The following BBS9 variants were observed in gnomAD, a reference collection of about 807,000 sequenced individuals.
BBS9 encodes the protein protein PTHB1.
A neutral mutation model predicts 117.7 loss-of-function variants in BBS9; 89 were observed. That is an observed-to-expected ratio of 0.76 (90% CI 0.64 to 0.90). The LOEUF is 0.90. Among genes scored for constraint, BBS9 ranks in the 40% least tolerant of loss-of-function variants. The pLI is 0.00. For synonymous variants in BBS9, 379 were observed against 370.9 expected, an observed-to-expected ratio of 1.02 and a Z score of -0.25; for missense variants, 982 against 1,042.2, an observed-to-expected ratio of 0.94 and a Z score of 0.80.
At chr7:33,591,168 G>A (rs1208421629) in intron 21 of BBS9, among the ~76,000 whole-genome samples, 1 of 151,904 alleles carries the variant, frequency 6.6e-6, no homozygotes, top group Admixed American at 6.6e-5. Context: ...TTTAAAGGCT[G>A]TATTTCCTCA....
At chr7:33,356,654 T>C (rs1158266421) in intron 15 of BBS9, among the ~76,000 whole-genome samples, 5 of 151,910 alleles carry the variant, frequency 3.3e-5, no homozygotes, top group Non-Finnish European at 5.9e-5. Context: ...TTGTTGATGA[T>C]TTCTCACTAT....
intron 19 of BBS9, among the ~76,000 whole-genome samples, chr7:33,456,468 A>G: frequency 6.6e-6 from 1 of 152,134 alleles, no homozygotes; most frequent in Non-Finnish European, 1.5e-5. Flanking sequence ...TGCCTGTACT[A>G]ATTTATATTA....
intron 5 of BBS9, among the ~76,000 whole-genome samples, chr7:33,190,804 C>G (rs935113247): frequency 6.6e-6 from 1 of 152,166 alleles, no homozygotes; most frequent in African/African-American, 2.4e-5. Flanking sequence ...TAACTTGAGC[C>G]TGAGCCACAG....
intron 21 of BBS9, among the ~76,000 whole-genome samples, chr7:33,574,810 C>T (rs1454579620): frequency 7.9e-6 from 1 of 127,076 alleles, no homozygotes; most frequent in Non-Finnish European, 1.5e-5. Context: ...CAGGTTATTT[C>T]AGAGTGAGTG....
intron 17 of BBS9, among the ~76,000 whole-genome samples, chr7:33,376,397 T>C (rs547064729): frequency 2.4e-4 from 36 of 152,332 alleles, no homozygotes; most frequent in African/African-American, 8.2e-4. Context: ...TGCTGCACAG[T>C]ATTCTATGAT....
At chr7:33,522,102 T>A (rs1848707837) in intron 20 of BBS9, among the ~76,000 whole-genome samples, 1 of 151,950 alleles carries the variant, frequency 6.6e-6, no homozygotes, top group South Asian at 2.1e-4. Flanking sequence ...CTGCATAGTA[T>A]TCCATGGTGT....
intron 21 of BBS9, among the ~76,000 whole-genome samples, chr7:33,544,994 G>A (rs73109613): frequency 0.12 from 18,330 of 152,002 alleles, 1,186 homozygotes; most frequent in African/African-American, 0.16. Flanking sequence ...GGAGTCACAG[G>A]CCTTACCCAG....
intron 21 of BBS9, among the ~76,000 whole-genome samples, chr7:33,570,194 C>T (rs1857558164): frequency 6.6e-6 from 1 of 152,138 alleles, no homozygotes; most frequent in Admixed American, 6.5e-5. Context: ...GGAACCAGAG[C>T]TCCTTGGAGA....
At chr7:33,201,797 A>T (rs1272399281) in intron 5 of BBS9, among the ~76,000 whole-genome samples, 1 of 151,990 alleles carries the variant, frequency 6.6e-6, no homozygotes, top group Non-Finnish European at 1.5e-5. Context: ...TGCTCTTTTG[A>T]TGTAATGTTT....
At chr7:33,371,175 G>A (rs190837108) in intron 17 of BBS9, among the ~76,000 whole-genome samples, 112 of 152,206 alleles carry the variant, frequency 7.4e-4, no homozygotes, top group African/African-American at 2.5e-3. Context: ...TATTCAAAAA[G>A]ACAGTTCCTT....
chr7:33,301,935 A>G (rs886813016), intron 9 of BBS9, among the ~76,000 whole-genome samples: 6 of 152,088 alleles, frequency 3.9e-5, no homozygotes, highest in African/African-American at 1.2e-4. Flanking sequence ...TCTCATCAAC[A>G]TTTGTTAGTT....
At chr7:33,483,283 A>T (rs1187961217) in intron 19 of BBS9, among the ~76,000 whole-genome samples, 1 of 152,164 alleles carries the variant, frequency 6.6e-6, no homozygotes, top group East Asian at 1.9e-4. Flanking sequence ...CTTTGTACTC[A>T]TTACACTCAA....
intron 21 of BBS9, 147 bp from the exon 22 acceptor site, chr7:33,604,718 A>G: frequency 1.4e-6 from 1 of 697,210 alleles, no homozygotes; most frequent in Non-Finnish European, 2.6e-6. Context: ...GAAACATTTA[A>G]GGTTATTCTT....
At chr7:33,579,467 T>G (rs537333479) in intron 21 of BBS9, among the ~76,000 whole-genome samples, 1 of 152,170 alleles carries the variant, frequency 6.6e-6, no homozygotes, top group Non-Finnish European at 1.5e-5. Flanking sequence ...TTACACTCTT[T>G]GGAAGGTTTG....
chr7:33,308,258 A>C (rs577990195), intron 9 of BBS9, among the ~76,000 whole-genome samples: 17 of 152,254 alleles, frequency 1.1e-4, no homozygotes, highest in Admixed American at 8.5e-4. Context: ...GTTAGGAAGG[A>C]CTGGATTTGG....
At chr7:33,610,377 G>A (rs1353810897), downstream of BBS9, among the ~76,000 whole-genome samples, 1 of 152,044 alleles carries the variant, frequency 6.6e-6, no homozygotes, top group Non-Finnish European at 1.5e-5. Context: ...CTGGAAGCTG[G>A]GAAGTCCAAG....
chr7:33,327,738 G>A (rs1813148095), intron 9 of BBS9, among the ~76,000 whole-genome samples: 1 of 152,120 alleles, frequency 6.6e-6, no homozygotes, highest in Admixed American at 6.5e-5. Flanking sequence ...CATGCATGCA[G>A]TAGTGTACTT....
At chr7:33,452,350 A>T (rs1157041071) in intron 19 of BBS9, among the ~76,000 whole-genome samples, 1 of 151,932 alleles carries the variant, frequency 6.6e-6, no homozygotes, top group Non-Finnish European at 1.5e-5. Flanking sequence ...CCACAATGAC[A>T]CTCTCTTTTT....
chr7:33,199,989 A>G (rs758297742), intron 5 of BBS9, among the ~76,000 whole-genome samples: 7 of 151,694 alleles, frequency 4.6e-5, no homozygotes, highest in Non-Finnish European at 8.8e-5. Context: ...TATTCTCCCT[A>G]CTCTCTAATA....
Sources: gnomAD v4.1 joint callset for allele counts (sites outside exome capture counted in the v4.1 genomes callset) on GRCh38, gnomAD v4.1.1 for gene constraint, MANE v1.5 for transcripts, NCBI Gene and HGNC (gene_info 2026-07-23, HGNC 2026-07-21) for gene names.